The following NALF1 variants were observed in gnomAD, a reference collection of about 807,000 sequenced individuals.
NALF1 encodes NALCN channel auxiliary factor 1, also known as family with sequence similarity 155 member A.
NALF1 carries 3 observed loss-of-function variants against 48.4 expected under a neutral mutation model. That is an observed-to-expected ratio of 0.06 (90% CI 0.03 to 0.16). NALF1 has a LOEUF of 0.16. Among genes scored for constraint, NALF1 ranks in the 10% least tolerant of loss-of-function variants. The pLI is 1.00. For missense variants in NALF1, 526 were observed against 571.5 expected, an observed-to-expected ratio of 0.92 and a Z score of 0.81; for synonymous variants, 262 against 245.7, an observed-to-expected ratio of 1.07 and a Z score of -0.62.
chr13:107,509,522 C>T (rs1465919370), intron 1 of NALF1, among the ~76,000 whole-genome samples: 1 of 152,138 alleles, frequency 6.6e-6, no homozygotes, highest in Non-Finnish European at 1.5e-5. Flanking sequence ...AAACACTTGT[C>T]AGTTTGTCCT....
chr13:107,264,886 C>T (rs367648302), intron 1 of NALF1, among the ~76,000 whole-genome samples: 4 of 152,208 alleles, frequency 2.6e-5, no homozygotes, highest in African/African-American at 7.2e-5. Flanking sequence ...TTAACCATTC[C>T]ATGATCACTG....
chr13:107,852,391 C>T (rs980277545), intron 1 of NALF1, among the ~76,000 whole-genome samples: 3 of 152,168 alleles, frequency 2.0e-5, no homozygotes, highest in Non-Finnish European at 4.4e-5. Context: ...CACTAAAATT[C>T]TATTTTTAAG....
chr13:107,653,348 T>G (rs574668043), intron 1 of NALF1, among the ~76,000 whole-genome samples: 2 of 152,194 alleles, frequency 1.3e-5, no homozygotes, highest in African/African-American at 2.4e-5. Context: ...ACTGAAAGTT[T>G]CCTGACTGTT....
chr13:107,626,617 C>T (rs1040374308), intron 1 of NALF1, among the ~76,000 whole-genome samples: 3 of 152,006 alleles, frequency 2.0e-5, no homozygotes, highest in African/African-American at 7.2e-5. Flanking sequence ...TCATCTGCAG[C>T]AATAGTAACC....
intron 1 of NALF1, among the ~76,000 whole-genome samples, chr13:107,262,392 A>G (rs1274769068): frequency 6.6e-6 from 1 of 152,150 alleles, no homozygotes; most frequent in African/African-American, 2.4e-5. Flanking sequence ...TCCAACCTGA[A>G]TGACAGAGCA....
chr13:107,850,500 T>C (rs776350954), intron 1 of NALF1, among the ~76,000 whole-genome samples: 1 of 152,206 alleles, frequency 6.6e-6, no homozygotes, highest in African/African-American at 2.4e-5. Flanking sequence ...TCATGGCCAT[T>C]AGGGATTCAG....
At chr13:107,323,509 T>C (rs72650539) in intron 1 of NALF1, among the ~76,000 whole-genome samples, 1 of 152,084 alleles carries the variant, frequency 6.6e-6, no homozygotes, top group Non-Finnish European at 1.5e-5. Context: ...TTTTTCTCTA[T>C]TTTTTTCTCA....
At chr13:107,613,802 T>C (rs912134565) in intron 1 of NALF1, among the ~76,000 whole-genome samples, 1 of 152,196 alleles carries the variant, frequency 6.6e-6, no homozygotes, top group African/African-American at 2.4e-5. Flanking sequence ...CAACATAGAA[T>C]GTAGAAATAA....
chr13:107,653,143 G>A (rs1377749673), intron 1 of NALF1, among the ~76,000 whole-genome samples: 1 of 149,874 alleles, frequency 6.7e-6, no homozygotes, highest in African/African-American at 2.4e-5. Flanking sequence ...TTAAGTATTT[G>A]TAAGAACATG....
chr13:107,813,673 C>CAA (rs5806695), intron 1 of NALF1, among the ~76,000 whole-genome samples: 1 of 142,136 alleles, frequency 7.0e-6, no homozygotes, highest in African/African-American at 2.6e-5. Context: ...AGAAGACCAG[C>CAA]AAAAAAAAAA....
chr13:107,660,169 G>A (rs1880689480), intron 1 of NALF1, among the ~76,000 whole-genome samples: 1 of 151,916 alleles, frequency 6.6e-6, no homozygotes, highest in African/African-American at 2.4e-5. Context: ...GTTGGGTGTG[G>A]TGGCTCACAC....
chr13:107,521,719 AGT>A (rs1416751930), intron 1 of NALF1, among the ~76,000 whole-genome samples: 1 of 152,160 alleles, frequency 6.6e-6, no homozygotes, highest in Non-Finnish European at 1.5e-5. Context: ...TGGCTAGCCC[AGT>A]GTCCCACAGT....
chr13:107,336,598 A>G (rs1376411738), intron 1 of NALF1, among the ~76,000 whole-genome samples: 1 of 151,976 alleles, frequency 6.6e-6, no homozygotes, highest in Non-Finnish European at 1.5e-5. Context: ...AGCTGGGCAA[A>G]CTCACACACT....
At position 107,163,739 on chromosome 13, in the gene NALF1, T is replaced by C. The variant is rs374834192; in HGVS notation, c.*6758A>G. 4.0e-4 allele frequency: 61 copies of C among 152,270 alleles called. No homozygotes were observed. The highest frequency in any genetic ancestry group is 1.4e-3 in the African/African-American group (59 of 41,550). The allele number at this position is 152,270 out of a possible 1,614,324, so 9.4% of individuals were successfully genotyped here. A position where few individuals can be genotyped will look rare whatever the true frequency, so the allele number is the denominator to read the frequency against. ...AACAATTTAAAAATAATACATGAGT[T>C]TATACAGTCCTTCCTACTTTTAATA... is the stretch of plus-strand genomic sequence containing the variant. On this transcript the variant is annotated 3_prime_UTR_variant, in exon 3 of 3. Coordinates refer to ENST00000375915, the MANE Select transcript of NALF1 (RefSeq NM_001080396.3).
chr13:107,380,492 G>C (rs942175368), intron 1 of NALF1, among the ~76,000 whole-genome samples: 84 of 152,264 alleles, frequency 5.5e-4, no homozygotes, highest in African/African-American at 2.0e-3. Flanking sequence ...CTAAGTCAAA[G>C]CAGTTTTGAG....
chr13:107,536,000 G>A (rs1468575450), intron 1 of NALF1, among the ~76,000 whole-genome samples: 2 of 152,116 alleles, frequency 1.3e-5, no homozygotes, highest in Non-Finnish European at 2.9e-5. Flanking sequence ...TTAATAAATG[G>A]TGCTGGGAAA....
chr13:107,245,500 T>G (rs1880563665), intron 1 of NALF1, among the ~76,000 whole-genome samples: 2 of 152,202 alleles, frequency 1.3e-5, no homozygotes. Flanking sequence ...CAATTCATTT[T>G]CAAAATAGTT....
intron 1 of NALF1, among the ~76,000 whole-genome samples, chr13:107,776,350 T>C (rs985823693): frequency 3.3e-5 from 5 of 152,142 alleles, no homozygotes; most frequent in African/African-American, 9.7e-5. Context: ...GGATTAGTCA[T>C]TGACCCTATC....
At chr13:107,668,504 A>C (rs1396702897) in intron 1 of NALF1, among the ~76,000 whole-genome samples, 1 of 152,154 alleles carries the variant, frequency 6.6e-6, no homozygotes, top group South Asian at 2.1e-4. Flanking sequence ...TGCAAGCAGA[A>C]GCTAGTTGGT....
Sources: gnomAD v4.1 joint callset for allele counts (sites outside exome capture counted in the v4.1 genomes callset) on GRCh38, gnomAD v4.1.1 for gene constraint, MANE v1.5 for transcripts, NCBI Gene and HGNC (gene_info 2026-07-23, HGNC 2026-07-21) for gene names.